ADCY9: variants seen among roughly 807,000 people sequenced by gnomAD.
ADCY9 encodes adenylate cyclase 9.
A neutral mutation model predicts 101.5 loss-of-function variants in ADCY9; 50 were observed. That is an observed-to-expected ratio of 0.49 (90% CI 0.39 to 0.62). ADCY9 has a LOEUF of 0.62. Ranked by LOEUF, ADCY9 falls within the 20% of genes least tolerant of loss-of-function variation. The pLI, the probability that ADCY9 is intolerant of heterozygous loss-of-function variation, is 0.00. For missense variants in ADCY9, 1,662 were observed against 1,800.4 expected, an observed-to-expected ratio of 0.92 and a Z score of 1.39; for synonymous variants, 905 against 769.3, an observed-to-expected ratio of 1.18 and a Z score of -2.92.
At chr16:4,025,751 G>A (rs527262341) in intron 2 of ADCY9, among the ~76,000 whole-genome samples, 191 of 152,316 alleles carry the variant, frequency 1.3e-3, no homozygotes, top group African/African-American at 4.5e-3. Flanking sequence ...GACCAGCAGA[G>A]GCCAACTTCT....
intron 2 of ADCY9, among the ~76,000 whole-genome samples, chr16:4,012,747 TGAA>T (rs2056412642): frequency 1.3e-5 from 2 of 152,194 alleles, no homozygotes; most frequent in Non-Finnish European, 2.9e-5. Context: ...GTCACTTCTT[TGAA>T]AACTAAAACT....
At chr16:4,082,710 G>A (rs2056912015) in intron 2 of ADCY9, among the ~76,000 whole-genome samples, 1 of 99,988 alleles carries the variant, frequency 1.0e-5, no homozygotes, top group African/African-American at 3.1e-5. Context: ...GCACACCCAC[G>A]CATGCACGCA....
intron 2 of ADCY9, among the ~76,000 whole-genome samples, chr16:4,014,254 G>A (rs1011539946): frequency 4.6e-5 from 7 of 151,324 alleles, no homozygotes; most frequent in African/African-American, 1.5e-4. Context: ...AGGAGGCGGA[G>A]GTTGCAGTCA....
intron 2 of ADCY9, among the ~76,000 whole-genome samples, chr16:4,021,823 C>T (rs1016009001): frequency 6.6e-6 from 1 of 152,170 alleles, no homozygotes; most frequent in Non-Finnish European, 1.5e-5. Context: ...CATCAGAACA[C>T]TTCTGTTAGA....
chr16:4,088,904 C>T (rs1242636749), intron 2 of ADCY9, among the ~76,000 whole-genome samples: 2 of 151,958 alleles, frequency 1.3e-5, no homozygotes, highest in Non-Finnish European at 2.9e-5. Flanking sequence ...GCAACCATCA[C>T]CATAGCCCAT....
chr16:3,955,466 C>G (rs1567408106), intron 5 of ADCY9, among the ~76,000 whole-genome samples: 1 of 152,130 alleles, frequency 6.6e-6, no homozygotes, highest in Non-Finnish European at 1.5e-5. Flanking sequence ...AAAAAGAAGC[C>G]AAAACAAAAC....
chr16:3,972,661 G>A (rs1189609303), intron 10 of ADCY9, among the ~76,000 whole-genome samples: 1 of 152,164 alleles, frequency 6.6e-6, no homozygotes, highest in Non-Finnish European at 1.5e-5. Flanking sequence ...AAAATAGAAA[G>A]CAAACATCAC....
intron 2 of ADCY9, among the ~76,000 whole-genome samples, chr16:4,084,420 G>T (rs1478543783): frequency 6.6e-6 from 1 of 151,934 alleles, no homozygotes; most frequent in Non-Finnish European, 1.5e-5. Context: ...CCTCAATAAA[G>T]CATTTTTTAA....
At chr16:3,977,112 C>T (rs993268857) in intron 9 of ADCY9, among the ~76,000 whole-genome samples, 10 of 152,232 alleles carry the variant, frequency 6.6e-5, no homozygotes, top group Admixed American at 3.9e-4. Flanking sequence ...CATCCATCTG[C>T]AGCTCCGCTC....
In ADCY9 at chr16:4,110,376, C is replaced by CTTTTTTTTTTTTTTTTTTTTTT. The variant is rs1170090126; in HGVS notation, c.1693+3352_1693+3373dup. Among the ~76,000 whole-genome samples the CTTTTTTTTTTTTTTTTTTTTTT allele has an allele frequency of 2.7e-5, 3 of 110,742 alleles. 1 individual carries two copies. Among genetic ancestry groups the CTTTTTTTTTTTTTTTTTTTTTT allele is most frequent in the Non-Finnish European group, 1.8e-5 (1 of 55,024 alleles). 72.7% of individuals were successfully genotyped at this position (110,742 alleles called of 152,430 possible). A position where few individuals can be genotyped will look rare whatever the true frequency, so the allele number is the denominator to read the frequency against. On this transcript the variant is annotated intron_variant, in intron 2 of 10. Transcript: ENST00000294016. ...AGTTTTGCAATCATACTTATACCTACTTTTTTTTTTTTTTTTTTTTTTTTT... is the reference window on the plus strand; with the variant it reads ...AGTTTTGCAATCATACTTATACCTACTTTTTTTTTTTTTTTTTTTTTTTTTTTTTTTTTTTTTTTTTTTTTTT...
rs2057133887 is a variant in ADCY9, at chr16:4,114,395, C to A, written c.1048G>T (p.Gly350Ter). The A allele has an allele frequency of 6.2e-7, 1 of 1,614,104 alleles. No homozygotes were observed. Reference protein sequence around the residue: ...RIIADDLMKQGDEESENSVKR... With the variant: ...RIIADDLMKQ ...ACAGAATTCTCACTCTCCTCATCTC[C>A]CTGCTTCATTAAGTCATCGGCTATG... The change falls in exon 2 of 11, where the codon GGA becomes TGA. Residue 350 changes from glycine (G) to a stop codon, truncating the protein, a stop_gained. Transcript: ENST00000294016. LOFTEE classifies it high-confidence loss of function. The surrounding 1 kb of genome is among the most constrained non-coding windows in gnomAD (Gnocchi z 4.3).
chr16:4,049,101 G>A (rs1391213064), intron 2 of ADCY9, among the ~76,000 whole-genome samples: 3 of 152,274 alleles, frequency 2.0e-5, no homozygotes, highest in Admixed American at 6.5e-5. Context: ...CGACTCACAG[G>A]GCTCACCCGG....
In ADCY9 at chr16:4,104,704, G is replaced by C. The variant is rs183325334; in HGVS notation, c.1693+9046C>G. Reference sequence around the variant, plus strand: ...AATCACATAAAAAGGCTATGAAAATGCTCTTCCAACTAAAGCCAGATTTTC... The same window carrying C: ...AATCACATAAAAAGGCTATGAAAATCCTCTTCCAACTAAAGCCAGATTTTC... On this transcript the variant is annotated intron_variant, in intron 2 of 10. Coordinates refer to ENST00000294016, the MANE Select transcript of ADCY9 (RefSeq NM_001116.4). 8.5e-4 allele frequency among the ~76,000 whole-genome samples: 129 copies of C among 152,256 alleles called. 2 individuals carry two copies. The highest frequency in any genetic ancestry group is 1.9e-4 in the Non-Finnish European group (13 of 68,016).
Position 4,049,026 on chromosome 16 carries a change from T to C in ADCY9, c.1694-41468A>G, listed in dbSNP as rs182351446. 2.5e-4 allele frequency among the ~76,000 whole-genome samples: 38 copies of C among 152,132 alleles called. No homozygotes were observed. The East Asian group carries it at 6.6e-3, about 26-fold the overall frequency. ...GGTATCAGGAAATCGTAATCCTGGCTCAGAAAGGTTTTAAATACAGGGAAG... is the reference window on the plus strand; with the variant it reads ...GGTATCAGGAAATCGTAATCCTGGCCCAGAAAGGTTTTAAATACAGGGAAG... On this transcript the variant is annotated intron_variant, in intron 2 of 10. Transcript: ENST00000294016.
At chr16:4,094,667 T>C (rs542109141) in intron 2 of ADCY9, among the ~76,000 whole-genome samples, 2 of 150,624 alleles carry the variant, frequency 1.3e-5, no homozygotes, top group African/African-American at 4.9e-5. Context: ...AAAGGAAAAA[T>C]GCAGACAAGC....
In ADCY9 at chr16:3,964,340, C is replaced by T. The variant is rs1199106560; in HGVS notation, c.*1435G>A. On this transcript the variant is annotated 3_prime_UTR_variant, in exon 11 of 11. Transcript: ENST00000294016. Reference sequence around the variant, plus strand: ...AAACTTCAGACTCAATATGGCAAAACATAATCAGACAGGACCAGCAGCCAA... The same window carrying T: ...AAACTTCAGACTCAATATGGCAAAATATAATCAGACAGGACCAGCAGCCAA... The T allele has an allele frequency of 6.6e-6, 1 of 152,298 alleles. No homozygotes were observed. Among genetic ancestry groups the T allele is most frequent in the Non-Finnish European group, 1.5e-5 (1 of 68,106 alleles). 9.4% of individuals were successfully genotyped at this position (152,298 alleles called of 1,614,324 possible).
chr16:3,987,128 C>A (rs963697881), intron 6 of ADCY9, among the ~76,000 whole-genome samples: 3 of 152,190 alleles, frequency 2.0e-5, no homozygotes, highest in Non-Finnish European at 4.4e-5. Context: ...AATTCCTAGT[C>A]CCCCCACTGA....
intron 2 of ADCY9, among the ~76,000 whole-genome samples, chr16:4,016,154 C>A (rs1222968262): frequency 6.6e-6 from 1 of 152,114 alleles, no homozygotes; most frequent in Non-Finnish European, 1.5e-5. Flanking sequence ...TCTGGACCCA[C>A]AAGAAGAGAG....
At chr16:4,004,251 T>TAAAAA (rs71133681) in intron 3 of ADCY9, among the ~76,000 whole-genome samples, 23 of 107,668 alleles carry the variant, frequency 2.1e-4, no homozygotes, top group Admixed American at 3.4e-4. Context: ...CCCATCTCTT[T>TAAAAA]AAAAAAAAAA....
Sources: gnomAD v4.1 joint callset for allele counts (sites outside exome capture counted in the v4.1 genomes callset) on GRCh38, gnomAD v4.1.1 for gene constraint, Gnocchi (gnomAD v3.1) non-coding constraint, MANE v1.5 for transcripts, NCBI Gene and HGNC (gene_info 2026-07-23, HGNC 2026-07-21) for gene names.